Variants in KDM2A observed in about 807,000 individuals in gnomAD.
KDM2A encodes lysine-specific demethylase 2A.
In KDM2A, 3 loss-of-function variants were observed where a neutral mutation model predicts 137.3. The observed-to-expected ratio is 0.02, with a 90% CI of 0.01 to 0.06. The LOEUF is 0.06. KDM2A is among the 10% of genes least tolerant of loss of function. The probability of loss-of-function intolerance (pLI) is 1.00; values close to 1 mark genes in which losing one functional copy is unlikely to be tolerated. For synonymous variants in KDM2A, 512 were observed against 541.5 expected (o/e 0.95, Z 0.76); for missense variants, 738 against 1,510.6 (o/e 0.49, Z 8.48).
intron 5 of KDM2A, among the ~76,000 whole-genome samples, chr11:67,192,509 A>G (rs1465891913): frequency 8.6e-6 from 1 of 116,646 alleles, no homozygotes; most frequent in African/African-American, 3.6e-5. Flanking sequence ...CAGTGGCGTG[A>G]TCTTGGCTCA....
intron 5 of KDM2A, among the ~76,000 whole-genome samples, chr11:67,189,660 C>A (rs1003541276): frequency 1.3e-5 from 2 of 151,532 alleles, no homozygotes; most frequent in East Asian, 1.9e-4. Flanking sequence ...GTCAACATGG[C>A]GAAACCCCAT....
At chr11:67,206,936 C>T (rs1052629941) in intron 5 of KDM2A, among the ~76,000 whole-genome samples, 5 of 152,132 alleles carry the variant, frequency 3.3e-5, no homozygotes, top group African/African-American at 1.2e-4. Flanking sequence ...GAAAAGGGGA[C>T]TTTGTTCTTC....
At chr11:67,243,228 T>G in intron 13 of KDM2A, 136 bp downstream of exon 13, 1 of 633,404 alleles carries the variant, frequency 1.6e-6, no homozygotes, top group Admixed American at 2.6e-5. Flanking sequence ...AAAATCATTA[T>G]TCAGTTCTGT....
At chr11:67,203,489 A>G (rs1857708412) in intron 5 of KDM2A, among the ~76,000 whole-genome samples, 1 of 147,450 alleles carries the variant, frequency 6.8e-6, no homozygotes, top group South Asian at 2.1e-4. Flanking sequence ...AATATATATT[A>G]ATATATTTTT....
chr11:67,243,903 G>C (rs576026570), intron 13 of KDM2A: 1 of 152,150 alleles, frequency 6.6e-6, no homozygotes, highest in African/African-American at 2.4e-5. Context: ...TTTAGATCCT[G>C]TATAATTTTT....
chr11:67,237,506 G>C (rs1413630190), intron 12 of KDM2A, among the ~76,000 whole-genome samples: 1 of 151,490 alleles, frequency 6.6e-6, no homozygotes, highest in Non-Finnish European at 1.5e-5. Flanking sequence ...GACCAGGCTG[G>C]TCTTGAATCT....
At chr11:67,147,749 C>T (rs1856287977) in intron 2 of KDM2A, among the ~76,000 whole-genome samples, 1 of 151,282 alleles carries the variant, frequency 6.6e-6, no homozygotes, top group Non-Finnish European at 1.5e-5. Context: ...GCAATCTCAG[C>T]TCACTGCAAC....
chr11:67,121,074 A>G (rs1274675403), intron 1 of KDM2A, among the ~76,000 whole-genome samples, 160 bp from the exon 2 acceptor site: 1 of 152,214 alleles, frequency 6.6e-6, no homozygotes, highest in African/African-American at 2.4e-5. Context: ...TGAACATGAC[A>G]TGGAACCACT....
chr11:67,216,207 A>G (rs1160266183), intron 8 of KDM2A, among the ~76,000 whole-genome samples: 1 of 152,256 alleles, frequency 6.6e-6, no homozygotes, highest in Non-Finnish European at 1.5e-5. Flanking sequence ...TTCCTGAATC[A>G]GAGTTCTCCA....
At chr11:67,189,478 A>G (rs1857292244) in intron 5 of KDM2A, among the ~76,000 whole-genome samples, 1 of 152,186 alleles carries the variant, frequency 6.6e-6, no homozygotes, top group Non-Finnish European at 1.5e-5. Context: ...AGTTCCAGCT[A>G]CTTGGGAGAC....
intron 5 of KDM2A, among the ~76,000 whole-genome samples, chr11:67,200,088 A>G (rs936605737): frequency 1.2e-4 from 18 of 152,256 alleles, no homozygotes; most frequent in Non-Finnish European, 2.5e-4. Flanking sequence ...TACTGAATTT[A>G]TTAAGCCCAC....
At chr11:67,132,777 G>A (rs2136285021) in intron 2 of KDM2A, among the ~76,000 whole-genome samples, 1 of 152,298 alleles carries the variant, frequency 6.6e-6, no homozygotes, top group Admixed American at 6.5e-5. Context: ...TTAACTGAGT[G>A]TCTGGGAACA....
chr11:67,145,130 CCA>C (rs1316049125), intron 2 of KDM2A, among the ~76,000 whole-genome samples: 1 of 151,364 alleles, frequency 6.6e-6, no homozygotes, highest in East Asian at 2.0e-4. Context: ...GCTTGGCCTC[CCA>C]AAGTGCTAAG....
At position 67,255,236 on chromosome 11, in the gene KDM2A, G is replaced by A. The variant is rs1859562762; in HGVS notation, c.*181G>A. 2 of 608,486 alleles carry A rather than the reference G, an allele frequency of 3.3e-6. No individual in the cohort carries two copies. The highest frequency in any genetic ancestry group is 2.9e-5 in the Admixed American group (1 of 34,724). 37.7% of individuals were successfully genotyped at this position (608,486 alleles called of 1,614,324 possible). Reference sequence around the variant, plus strand: ...AGGGTGGTGGACACCAGGCTTATCTGCCTGCTCCTCTCCCTCCTAAGGAAA... The same window carrying A: ...AGGGTGGTGGACACCAGGCTTATCTACCTGCTCCTCTCCCTCCTAAGGAAA... On this transcript the variant is annotated 3_prime_UTR_variant, in exon 21 of 21. Transcript: ENST00000529006.
At chr11:67,227,089 C>T (rs1858569677) in intron 10 of KDM2A, among the ~76,000 whole-genome samples, 1 of 152,026 alleles carries the variant, frequency 6.6e-6, no homozygotes, top group African/African-American at 2.4e-5. Flanking sequence ...AATTAGTATC[C>T]AGCTGAAATA....
At chr11:67,125,720 A>G (rs1292923046) in intron 2 of KDM2A, among the ~76,000 whole-genome samples, 2 of 149,692 alleles carry the variant, frequency 1.3e-5, no homozygotes, top group African/African-American at 4.9e-5. Flanking sequence ...TGGAGGTTGC[A>G]CTAAGCAGAG....
intron 2 of KDM2A, among the ~76,000 whole-genome samples, chr11:67,162,457 T>G (rs1856655697): frequency 1.3e-5 from 2 of 152,198 alleles, no homozygotes; most frequent in Admixed American, 6.5e-5. Flanking sequence ...CAGGCTGGAG[T>G]GCAGTGGCGT....
At chr11:67,148,321 C>T (rs1371746905) in intron 2 of KDM2A, among the ~76,000 whole-genome samples, 3 of 151,592 alleles carry the variant, frequency 2.0e-5, no homozygotes, top group Non-Finnish European at 1.5e-5. Flanking sequence ...CTTGGGAGGT[C>T]GAGGCCAAAG....
chr11:67,247,077 T>TATATAA (rs1198408004), intron 15 of KDM2A, among the ~76,000 whole-genome samples: 27 of 72,786 alleles, frequency 3.7e-4, no homozygotes, highest in African/African-American at 1.1e-3. Context: ...ATATATTTTT[T>TATATAA]TTTTTTTTTT....
Sources: gnomAD v4.1 joint callset for allele counts (sites outside exome capture counted in the v4.1 genomes callset) on GRCh38, gnomAD v4.1.1 for gene constraint, MANE v1.5 for transcripts, NCBI Gene and HGNC (gene_info 2026-07-23, HGNC 2026-07-21) for gene names.